The following NEBL variants were observed in gnomAD, a reference collection of about 807,000 sequenced individuals.
NEBL encodes LIM and SH3 protein 2.
NEBL carries 122 observed loss-of-function variants against 140.2 expected under a neutral mutation model. That is an observed-to-expected ratio of 0.87 (90% CI 0.75 to 1.01). NEBL has a LOEUF of 1.01. Among genes scored for constraint, NEBL ranks in the 50% least tolerant of loss-of-function variants. NEBL has a pLI of 0.00. For synonymous variants in NEBL, 436 were observed against 398.9 expected (o/e 1.09, Z -1.11); for missense variants, 1,365 against 1,231.3 (o/e 1.11, Z -1.62).
intron 2 of NEBL, among the ~76,000 whole-genome samples, chr10:21,046,227 A>G (rs1423236612): frequency 6.6e-6 from 1 of 152,206 alleles, no homozygotes; most frequent in Non-Finnish European, 1.5e-5. Context: ...AGAGGCTGGG[A>G]GATGAGAGGA....
At chr10:20,916,627 C>A (rs953722712) in intron 4 of NEBL, among the ~76,000 whole-genome samples, 2 of 152,194 alleles carry the variant, frequency 1.3e-5, no homozygotes, top group Non-Finnish European at 2.9e-5. Context: ...CCAGGCTGGT[C>A]ATGAACTGCT....
chr10:20,955,987 C>T (rs1835783928), intron 4 of NEBL, among the ~76,000 whole-genome samples: 1 of 151,418 alleles, frequency 6.6e-6, no homozygotes, highest in Non-Finnish European at 1.5e-5. Context: ...TAGACAATGC[C>T]ATTTTACAAC....
chr10:21,215,500 T>C (rs554397985), intron 3 of NEBL, among the ~76,000 whole-genome samples: 15 of 152,042 alleles, frequency 9.9e-5, no homozygotes, highest in Non-Finnish European at 1.8e-4. Flanking sequence ...CAAAAGTAAA[T>C]ATTCAGAATG....
chr10:20,816,484 G>A (rs1233240220), intron 21 of NEBL, among the ~76,000 whole-genome samples: 1 of 152,104 alleles, frequency 6.6e-6, no homozygotes, highest in African/African-American at 2.4e-5. Flanking sequence ...GTTCCTTTTT[G>A]AGAATAATGG....
At chr10:21,130,048 C>T (rs1033118190) in intron 2 of NEBL, among the ~76,000 whole-genome samples, 6 of 151,584 alleles carry the variant, frequency 4.0e-5, no homozygotes, top group African/African-American at 4.9e-5. Flanking sequence ...AGTAAATGAA[C>T]GGAGAAAAAG....
At chr10:21,125,826 C>CA in intron 2 of NEBL, 10 of 1,606,728 alleles carry the variant, frequency 6.2e-6, no homozygotes, top group East Asian at 2.2e-5. Context: ...CAGACATTTA[C>CA]AAAAAAGTCA....
chr10:21,131,359 G>C (rs558284782), intron 2 of NEBL, among the ~76,000 whole-genome samples: 2 of 152,144 alleles, frequency 1.3e-5, no homozygotes, highest in African/African-American at 4.8e-5. Context: ...CAGAGAATAA[G>C]AGCAGAGGGA....
intron 1 of NEBL, among the ~76,000 whole-genome samples, chr10:21,255,254 G>C (rs1842641910): frequency 6.6e-6 from 1 of 152,070 alleles, no homozygotes; most frequent in African/African-American, 2.4e-5. Context: ...CCTAAGGCCA[G>C]ATATGAGAAG....
intron 12 of NEBL, among the ~76,000 whole-genome samples, chr10:20,842,268 C>T (rs1841472577): frequency 6.6e-6 from 1 of 152,048 alleles, no homozygotes. Context: ...AAAGTCAGAC[C>T]TCTTTCATTT....
At chr10:21,028,243 A>AG (rs565178996) in intron 2 of NEBL, among the ~76,000 whole-genome samples, 8 of 144,860 alleles carry the variant, frequency 5.5e-5, no homozygotes, top group Admixed American at 7.6e-5. Flanking sequence ...CTCAAAAAAA[A>AG]AAAAAAAAAA....
intron 4 of NEBL, among the ~76,000 whole-genome samples, chr10:20,942,391 C>G (rs372989051): frequency 7.8e-4 from 118 of 152,120 alleles, no homozygotes; most frequent in African/African-American, 1.7e-3. Context: ...GCCATATGTA[C>G]AAAGCTGAAA....
At chr10:20,905,104 G>GT (rs1322485517) in intron 4 of NEBL, among the ~76,000 whole-genome samples, 1 of 152,144 alleles carries the variant, frequency 6.6e-6, no homozygotes, top group African/African-American at 2.4e-5. Flanking sequence ...AAAGGAAAGG[G>GT]TTTTGGGGGT....
intron 9 of NEBL, 47 bp downstream of exon 9, chr10:20,858,193 C>G (rs753927360): frequency 1.7e-5 from 25 of 1,463,112 alleles, no homozygotes; most frequent in Non-Finnish European, 2.3e-5. Flanking sequence ...ATATTGGCTT[C>G]TTGGAGCCAC....
intron 2 of NEBL, among the ~76,000 whole-genome samples, chr10:21,163,786 G>C (rs778955661): frequency 6.6e-6 from 1 of 152,162 alleles, no homozygotes; most frequent in Admixed American, 6.6e-5. Flanking sequence ...TGCACACATC[G>C]AACTAGTTCT....
intron 2 of NEBL, among the ~76,000 whole-genome samples, chr10:21,116,353 C>T (rs2094404): frequency 0.46 from 70,383 of 151,792 alleles, 18,952 homozygotes; most frequent in African/African-American, 0.74. Flanking sequence ...ACACGGTACA[C>T]GCAAAAAAGG....
rs35213426 is a variant in NEBL, at chr10:20,828,766, A to AGG, written c.1672-133_1672-132insCC. Reference sequence around the variant, plus strand: ...ACTGTTTTTACTGACTTACACTCCCAGAGAGAGAGAGAGAGAGGTGGAGAG... The same window carrying AGG: ...ACTGTTTTTACTGACTTACACTCCCAGGGAGAGAGAGAGAGAGAGGTGGAGAG... On this transcript the variant is annotated intron_variant, in intron 16 of 27. Coordinates refer to ENST00000377122, the MANE Select transcript of NEBL (RefSeq NM_006393.3). The AGG allele has an allele frequency of 0.023, 6,289 of 268,818 alleles. 172 individuals carry two copies. Among genetic ancestry groups the AGG allele is most frequent in the East Asian group, 0.15 (2,658 of 17,196 alleles). The allele number at this position is 268,818 out of a possible 1,614,324, so 16.7% of individuals were successfully genotyped here.
At chr10:21,267,247 A>T (rs1351608654) in intron 1 of NEBL, among the ~76,000 whole-genome samples, 1 of 152,124 alleles carries the variant, frequency 6.6e-6, no homozygotes, top group African/African-American at 2.4e-5. Flanking sequence ...AAGTGCTGGG[A>T]TTACAGGCAT....
chr10:20,852,040 G>A (rs1216446851), intron 10 of NEBL, among the ~76,000 whole-genome samples: 1 of 152,030 alleles, frequency 6.6e-6, no homozygotes, highest in African/African-American at 2.4e-5. Context: ...TTTAAAGTAT[G>A]CTAGAGAGAA....
intron 3 of NEBL, among the ~76,000 whole-genome samples, chr10:21,212,401 G>A (rs1841932747): frequency 6.6e-6 from 1 of 152,042 alleles, no homozygotes; most frequent in South Asian, 2.1e-4. Context: ...CAAAGATTTC[G>A]AACACCCAGC....
Sources: allele counts gnomAD v4.1 joint callset (sites outside exome capture counted in the v4.1 genomes callset), GRCh38; gene constraint gnomAD v4.1.1; transcripts MANE v1.5; gene names NCBI Gene and HGNC (gene_info 2026-07-23, HGNC 2026-07-21).